SMG6: variants seen among roughly 807,000 people sequenced by gnomAD.
The protein encoded by SMG6 is telomerase-binding protein EST1A.
Under a neutral mutation model 142.2 loss-of-function variants are expected in SMG6, and 66 were observed. The ratio of observed to expected loss-of-function variants is 0.46; its 90% confidence interval spans 0.38 to 0.57. The LOEUF (loss-of-function observed/expected upper bound fraction) is 0.57. SMG6 is among the 20% of genes least tolerant of loss of function. The probability of loss-of-function intolerance (pLI) is 0.00; values close to 1 mark genes in which losing one functional copy is unlikely to be tolerated. For missense variants in SMG6, 1,793 were observed against 1,832.0 expected, an observed-to-expected ratio of 0.98 and a Z score of 0.39; for synonymous variants, 779 against 702.4, an observed-to-expected ratio of 1.11 and a Z score of -1.72.
intron 15 of SMG6, among the ~76,000 whole-genome samples, chr17:2,070,483 A>G (rs1215234953): frequency 6.6e-6 from 1 of 152,178 alleles, no homozygotes; most frequent in African/African-American, 2.4e-5. Context: ...GGGGAAGTGG[A>G]CGTGCGTGCC....
chr17:2,257,871 T>G (rs2074219962), intron 8 of SMG6, among the ~76,000 whole-genome samples: 2 of 151,420 alleles, frequency 1.3e-5, no homozygotes, highest in Non-Finnish European at 2.9e-5. Flanking sequence ...AATTAGCTGA[T>G]GGTGGCACAT....
At chr17:2,162,500 T>G (rs1467931433) in intron 13 of SMG6, among the ~76,000 whole-genome samples, 1 of 113,710 alleles carries the variant, frequency 8.8e-6, no homozygotes, top group East Asian at 2.5e-4. Flanking sequence ...GGCGACAGAG[T>G]GAGACTCCCC....
At chr17:2,151,369 GA>G (rs891826060) in intron 13 of SMG6, among the ~76,000 whole-genome samples, 13 of 152,170 alleles carry the variant, frequency 8.5e-5, no homozygotes, top group Non-Finnish European at 8.8e-5. Context: ...AGCAGAAAAA[GA>G]AAGTTTTAAG....
chr17:2,210,259 A>G (rs1463484579), intron 10 of SMG6, among the ~76,000 whole-genome samples: 1 of 151,370 alleles, frequency 6.6e-6, no homozygotes, highest in Non-Finnish European at 1.5e-5. Flanking sequence ...CAAGTGAGGG[A>G]GAGGATGAAC....
At chr17:2,179,143 G>A (rs964957371) in intron 12 of SMG6, among the ~76,000 whole-genome samples, 2 of 152,184 alleles carry the variant, frequency 1.3e-5, no homozygotes, top group African/African-American at 4.8e-5. Flanking sequence ...CCAGGCTGCA[G>A]TGCTAACGCC....
At chr17:2,215,519 T>A (rs183898659) in intron 10 of SMG6, 2 of 152,194 alleles carry the variant, frequency 1.3e-5, no homozygotes, top group African/African-American at 4.8e-5. Context: ...TTAATAAATA[T>A]CTTGCAGATT....
At chr17:2,066,694 CAA>C (rs2067962613) in intron 16 of SMG6, among the ~76,000 whole-genome samples, 1 of 150,750 alleles carries the variant, frequency 6.6e-6, no homozygotes, top group Non-Finnish European at 1.5e-5. Flanking sequence ...CACACACACA[CAA>C]TGCCCATGCT....
intron 13 of SMG6, among the ~76,000 whole-genome samples, chr17:2,139,789 G>A (rs534048103): frequency 5.3e-5 from 8 of 151,940 alleles, no homozygotes; most frequent in Non-Finnish European, 2.9e-5. Flanking sequence ...GCAGTGGTGT[G>A]ATCTTGGCTC....
rs569872958 is a variant in SMG6 at position 2,065,234 on chromosome 17, G to A, written c.4048-80C>T. The A allele has an allele frequency of 4.8e-5, 61 of 1,271,408 alleles. No individual in the cohort carries two copies. In the South Asian group the frequency reaches 4.9e-4, roughly 10 times the overall value. 78.8% of individuals were successfully genotyped at this position (1,271,408 alleles called of 1,614,324 possible). On this transcript the variant is annotated intron_variant, in intron 17 of 18. Coordinates refer to ENST00000263073, the MANE Select transcript of SMG6 (RefSeq NM_017575.5). Reference sequence around the variant, plus strand: ...AGGAGGAGGAGGGATCCTCTGCCTCGGGGGCCCTGGGCAGGGCCACCTCCC... The same window carrying A: ...AGGAGGAGGAGGGATCCTCTGCCTCAGGGGCCCTGGGCAGGGCCACCTCCC...
At chr17:2,243,406 C>T (rs1159211415) in intron 9 of SMG6, among the ~76,000 whole-genome samples, 1 of 152,152 alleles carries the variant, frequency 6.6e-6, no homozygotes, top group Non-Finnish European at 1.5e-5. Flanking sequence ...CTAGGCCGGG[C>T]GTGGTGGTTC....
At chr17:2,198,944 T>TA (rs2072420988) in intron 10 of SMG6, among the ~76,000 whole-genome samples, 1 of 30,070 alleles carries the variant, frequency 3.3e-5, no homozygotes. Flanking sequence ...GAAAATAAAA[T>TA]AAAATTAAAA....
intron 6 of SMG6, among the ~76,000 whole-genome samples, chr17:2,289,174 T>TGGGA (rs2074976123): frequency 6.6e-6 from 1 of 151,198 alleles, no homozygotes; most frequent in African/African-American, 2.4e-5. Flanking sequence ...AGCTTGAACC[T>TGGGA]GGGAGGTTGA....
chr17:2,290,470 TAC>T (rs1451500542), intron 6 of SMG6, among the ~76,000 whole-genome samples: 3 of 152,204 alleles, frequency 2.0e-5, no homozygotes, highest in Non-Finnish European at 4.4e-5. Context: ...CAAAATGTAT[TAC>T]AGACTTAAAT....
At chr17:2,289,730 G>C (rs2074988656) in intron 6 of SMG6, among the ~76,000 whole-genome samples, 1 of 151,768 alleles carries the variant, frequency 6.6e-6, no homozygotes, top group African/African-American at 2.4e-5. Context: ...GGCCAACATG[G>C]TGAAACCCCA....
At chr17:2,141,366 CTT>C (rs1232549067) in intron 13 of SMG6, among the ~76,000 whole-genome samples, 2 of 152,158 alleles carry the variant, frequency 1.3e-5, no homozygotes, top group East Asian at 1.9e-4. Flanking sequence ...AAAAAACAGA[CTT>C]TGTGATTTTG....
At chr17:2,194,506 A>C (rs2072257366) in intron 10 of SMG6, among the ~76,000 whole-genome samples, 3 of 152,104 alleles carry the variant, frequency 2.0e-5, no homozygotes, top group Admixed American at 2.0e-4. Context: ...ATAGAGGTAG[A>C]AGAGGGAATG....
intron 10 of SMG6, among the ~76,000 whole-genome samples, chr17:2,197,948 TTATGA>T (rs1442230390): frequency 4.6e-5 from 7 of 152,226 alleles, no homozygotes; most frequent in Admixed American, 1.3e-4. Context: ...AAAAATGCAC[TTATGA>T]TATGATCCAG....
intron 10 of SMG6, among the ~76,000 whole-genome samples, chr17:2,219,088 TA>T (rs1242757828): frequency 6.6e-6 from 1 of 152,184 alleles, no homozygotes; most frequent in Non-Finnish European, 1.5e-5. Context: ...GTAAAAAATT[TA>T]AAATGCTTAA....
intron 13 of SMG6, among the ~76,000 whole-genome samples, chr17:2,140,119 G>A (rs1341648180): frequency 1.3e-5 from 2 of 152,058 alleles, no homozygotes; most frequent in Non-Finnish European, 2.9e-5. Context: ...CTGGAGTGCA[G>A]TAGTGAGACC....
Sources: allele counts gnomAD v4.1 joint callset (sites outside exome capture counted in the v4.1 genomes callset), GRCh38; gene constraint gnomAD v4.1.1; transcripts MANE v1.5; gene names NCBI Gene and HGNC (gene_info 2026-07-23, HGNC 2026-07-21).